CFTR: variants seen among roughly 807,000 people sequenced by gnomAD.
CFTR encodes the protein cystic fibrosis transmembrane conductance regulator.
A neutral mutation model predicts 171.6 loss-of-function variants in CFTR; 181 were observed. The observed-to-expected ratio is 1.05, with a 90% CI of 0.93 to 1.19. The LOEUF (loss-of-function observed/expected upper bound fraction) is 1.19, where lower values mean the gene tolerates loss of function less well. CFTR is among the 50% of genes most tolerant of loss of function. CFTR has a pLI of 0.00. For synonymous variants in CFTR, 583 were observed against 608.0 expected (o/e 0.96, Z 0.60); for missense variants, 1,968 against 1,734.7 (o/e 1.13, Z -2.39).
intron 22 of CFTR, among the ~76,000 whole-genome samples, chr7:117,641,425 C>G (rs1562922902): frequency 6.6e-6 from 1 of 152,020 alleles, no homozygotes; most frequent in Non-Finnish European, 1.5e-5. Context: ...AAAAAGAAAA[C>G]AAAACTGTCC....
chr7:117,516,887 A>C (rs2116651263), intron 3 of CFTR, among the ~76,000 whole-genome samples: 1 of 152,252 alleles, frequency 6.6e-6, no homozygotes, highest in South Asian at 2.1e-4. Context: ...AGGTTACTTA[A>C]ATTCTCTTCA....
intron 14 of CFTR, among the ~76,000 whole-genome samples, chr7:117,592,867 C>T (rs1339244047): frequency 6.6e-6 from 1 of 152,110 alleles, no homozygotes; most frequent in African/African-American, 2.4e-5. Context: ...TATCTCTTCC[C>T]ATAAAATGGG....
intron 24 of CFTR, among the ~76,000 whole-genome samples, chr7:117,664,293 T>G (rs112088750): frequency 2.0e-5 from 3 of 152,316 alleles, no homozygotes; most frequent in African/African-American, 7.2e-5. Flanking sequence ...CTAGAGGGCA[T>G]ATCTGCAATG....
intron 3 of CFTR, among the ~76,000 whole-genome samples, chr7:117,517,075 A>G (rs1406361372): frequency 6.6e-6 from 1 of 152,204 alleles, no homozygotes. Context: ...AGAAACTATC[A>G]TCAGAGTGAA....
At chr7:117,482,567 T>C (rs1315171983) in intron 1 of CFTR, among the ~76,000 whole-genome samples, 1 of 152,104 alleles carries the variant, frequency 6.6e-6, no homozygotes, top group Non-Finnish European at 1.5e-5. Context: ...GTACATTAAA[T>C]TGAAACTTTT....
intron 1 of CFTR, among the ~76,000 whole-genome samples, chr7:117,483,906 T>C (rs1798034415): frequency 1.3e-5 from 2 of 152,184 alleles, no homozygotes; most frequent in Non-Finnish European, 2.9e-5. Context: ...AAGAGAAATA[T>C]AAGTGCTTTG....
At chr7:117,640,917 A>T (rs901011659) in intron 22 of CFTR, among the ~76,000 whole-genome samples, 1 of 152,174 alleles carries the variant, frequency 6.6e-6, no homozygotes, top group East Asian at 1.9e-4. Flanking sequence ...CACTTTGGGT[A>T]AGCCAGGTGC....
intron 3 of CFTR, among the ~76,000 whole-genome samples, chr7:117,512,979 C>T (rs1013910362): frequency 6.6e-6 from 1 of 152,010 alleles, no homozygotes; most frequent in Non-Finnish European, 1.5e-5. Flanking sequence ...AGACTACAGT[C>T]TATATGGCAA....
At position 117,529,513 on chromosome 7, in the gene CFTR, TAAAA is replaced by T. The variant is rs61443875; in HGVS notation, c.274-1370_274-1367del. 6.7e-3 allele frequency among the ~76,000 whole-genome samples: 807 copies of T among 119,976 alleles called. 7 individuals are homozygous for T. The highest frequency in any genetic ancestry group is 0.021 in the African/African-American group (753 of 36,394). The allele number at this position is 119,976 out of a possible 152,430, so 78.7% of individuals were successfully genotyped here. A position where few individuals can be genotyped will look rare whatever the true frequency, so the allele number is the denominator to read the frequency against. ...CACATGTACCCTAAAACTTAGAGTA[TAAAA>T]AAAAAAAAAAAAAAAGTTTGAATGT... is the stretch of plus-strand genomic sequence containing the variant. On this transcript the variant is annotated intron_variant, in intron 3 of 26. Transcript: ENST00000003084.
At chr7:117,616,140 G>T (rs753309770) in intron 21 of CFTR, 1 of 151,862 alleles carries the variant, frequency 6.6e-6, no homozygotes, top group Non-Finnish European at 1.5e-5. Flanking sequence ...TCTGGTTCAT[G>T]TGTCTTCTTA....
intron 11 of CFTR, among the ~76,000 whole-genome samples, chr7:117,584,759 C>G (rs995478609): frequency 6.6e-6 from 1 of 151,960 alleles, no homozygotes. Context: ...TTGCTTTTGG[C>G]AGTATGGTCA....
At chr7:117,487,167 T>A (rs1324569617) in intron 1 of CFTR, among the ~76,000 whole-genome samples, 1 of 152,086 alleles carries the variant, frequency 6.6e-6, no homozygotes, top group African/African-American at 2.4e-5. Context: ...CAGGGTTAGG[T>A]AATATGGTTA....
At position 117,667,037 on chromosome 7, in the gene CFTR, T is replaced by C; in HGVS notation, c.4372T>C (p.Cys1458Arg). 1 of 1,613,966 alleles carries C rather than the reference T, an allele frequency of 6.2e-7. No individual in the cohort carries two copies. Among genetic ancestry groups the C allele is most frequent in the Non-Finnish European group, 8.5e-7 (1 of 1,179,958 alleles). The change falls in exon 27 of 27, where the codon TGC (cysteine) becomes CGC (arginine). Residue 1458 changes from cysteine (C) to arginine (R), a missense_variant. Physicochemically the swap from Cys to Arg is radical, Grantham distance 180. Transcript: ENST00000003084. ...KLFPHRNSSKCKSKPQIAALK... is the reference protein window; with the variant it reads ...KLFPHRNSSKRKSKPQIAALK... The stretch of plus-strand genomic sequence containing the variant: ...CTTTCCCCACCGGAACTCAAGCAAG[T>C]GCAAGTCTAAGCCCCAGATTGCTGC...
chr7:117,600,640 G>T (rs1792208755), intron 15 of CFTR, among the ~76,000 whole-genome samples: 1 of 151,872 alleles, frequency 6.6e-6, no homozygotes, highest in African/African-American at 2.4e-5. Context: ...TATGACAGTT[G>T]GTTTATGTTT....
chr7:117,666,792 G>A, intron 26 of CFTR, 116 bp from the exon 27 acceptor site: 1 of 859,934 alleles, frequency 1.2e-6, no homozygotes. Flanking sequence ...AAAATGCAAG[G>A]CTCTGGACAT....
intron 11 of CFTR, among the ~76,000 whole-genome samples, chr7:117,578,767 G>C (rs1273838924): frequency 6.6e-6 from 1 of 152,000 alleles, no homozygotes; most frequent in Non-Finnish European, 1.5e-5. Context: ...TCTTTTTGAA[G>C]TAATTCTGAA....
At position 117,595,360 on chromosome 7, in the gene CFTR, A is replaced by G. The variant is rs574086085; in HGVS notation, c.2619+302A>G. ...ACATATAAAATATATTTAAATACAA[A>G]TATAAGAAGAGTTTTTAATAGATTT... On this transcript the variant is annotated intron_variant, in intron 15 of 26. Coordinates refer to ENST00000003084, the MANE Select transcript of CFTR (RefSeq NM_000492.4). 1.3e-3 allele frequency among the ~76,000 whole-genome samples: 200 copies of G among 150,614 alleles called. 2 individuals carry two copies. The highest frequency in any genetic ancestry group is 4.8e-3 in the African/African-American group (197 of 41,364).
chr7:117,656,147 G>A (rs1035073994), intron 24 of CFTR, among the ~76,000 whole-genome samples: 5 of 151,974 alleles, frequency 3.3e-5, no homozygotes, highest in South Asian at 2.1e-4. Context: ...AGACCTAGGC[G>A]ACTCCACTAT....
intron 21 of CFTR, among the ~76,000 whole-genome samples, chr7:117,625,984 C>T (rs1337786760): frequency 1.3e-5 from 2 of 152,108 alleles, no homozygotes; most frequent in Non-Finnish European, 2.9e-5. Flanking sequence ...ATGCCTTTTA[C>T]TTTCTCTATC....
Sources: allele counts gnomAD v4.1 joint callset (sites outside exome capture counted in the v4.1 genomes callset), GRCh38; gene constraint gnomAD v4.1.1; transcripts MANE v1.5; gene names NCBI Gene and HGNC (gene_info 2026-07-23, HGNC 2026-07-21).